Variants in ARHGAP26 observed in about 807,000 individuals in gnomAD.
ARHGAP26 encodes rho GTPase-activating protein 26.
Under a neutral mutation model 104.8 loss-of-function variants are expected in ARHGAP26, and 38 were observed. The observed-to-expected ratio is 0.36, with a 90% CI of 0.28 to 0.48. The LOEUF (loss-of-function observed/expected upper bound fraction) is 0.48. ARHGAP26 is among the 20% of genes least tolerant of loss of function. ARHGAP26 has a pLI of 0.99. For missense variants in ARHGAP26, 704 were observed against 947.9 expected, an observed-to-expected ratio of 0.74 and a Z score of 3.38; for synonymous variants, 341 against 340.0, an observed-to-expected ratio of 1.00 and a Z score of -0.03.
chr5:143,170,249 T>A (rs767075792), intron 20 of ARHGAP26: 2 of 152,322 alleles, frequency 1.3e-5, no homozygotes, highest in East Asian at 3.9e-4. Context: ...GTGAGAGCCA[T>A]GAACATGCAA....
chr5:142,890,151 A>AATAT (rs752591382), intron 5 of ARHGAP26, among the ~76,000 whole-genome samples: 891 of 32,166 alleles, frequency 0.028, 53 homozygotes, highest in Non-Finnish European at 0.038. Context: ...AAAAAAAAAA[A>AATAT]ATATATATAT....
chr5:143,217,222 G>A (rs370971535), intron 22 of ARHGAP26, among the ~76,000 whole-genome samples: 11 of 152,110 alleles, frequency 7.2e-5, no homozygotes, highest in Admixed American at 2.6e-4. Flanking sequence ...CTGTTGTTTC[G>A]TAATGATTAA....
rs538073963 is a variant in ARHGAP26, at chr5:143,125,950, A to G, written c.1698+4803A>G. Among the ~76,000 whole-genome samples the G allele has an allele frequency of 2.2e-4, 34 of 152,352 alleles. No individual in the cohort carries two copies. In the South Asian group the frequency reaches 6.4e-3, roughly 29 times the overall value. The stretch of plus-strand genomic sequence containing the variant: ...AACTTAGTACTACTCTCAGAACCCA[A>G]GCTATTAAAATCTACTCTAGTTAAT... On this transcript the variant is annotated intron_variant, in intron 18 of 22. Transcript: ENST00000645722.
intron 17 of ARHGAP26, among the ~76,000 whole-genome samples, chr5:143,088,696 T>A (rs1443072568): frequency 1.3e-5 from 2 of 152,216 alleles, no homozygotes; most frequent in African/African-American, 4.8e-5. Flanking sequence ...GCTGCGACCT[T>A]ACAGATGGAG....
intron 12 of ARHGAP26, among the ~76,000 whole-genome samples, chr5:143,034,334 G>T (rs1782314549): frequency 6.6e-6 from 1 of 152,168 alleles, no homozygotes; most frequent in African/African-American, 2.4e-5. Context: ...CAGCCAAAAA[G>T]TGGAAATGGC....
At chr5:143,038,257 TC>T (rs112770960) in intron 13 of ARHGAP26, among the ~76,000 whole-genome samples, 3 of 152,060 alleles carry the variant, frequency 2.0e-5, no homozygotes, top group Non-Finnish European at 4.4e-5. Flanking sequence ...CACTTTTTTT[TC>T]CATAAGGACT....
chr5:143,088,282 C>A (rs1055207902), intron 17 of ARHGAP26, among the ~76,000 whole-genome samples: 23 of 152,198 alleles, frequency 1.5e-4, no homozygotes, highest in Non-Finnish European at 5.9e-5. Flanking sequence ...GCAGTGACCA[C>A]CTGTGATCTT....
intron 17 of ARHGAP26, among the ~76,000 whole-genome samples, chr5:143,059,937 G>A (rs1412758164): frequency 1.3e-5 from 2 of 152,172 alleles, no homozygotes; most frequent in East Asian, 1.9e-4. Context: ...AAATGTCCCT[G>A]TGGAGAAGGA....
chr5:143,200,999 C>G (rs1349562411), intron 20 of ARHGAP26, among the ~76,000 whole-genome samples: 1 of 152,238 alleles, frequency 6.6e-6, no homozygotes, highest in Non-Finnish European at 1.5e-5. Context: ...TGTACTTGAA[C>G]TATCAGCCAC....
In ARHGAP26 at chr5:142,770,641, C is replaced by T. The variant is rs966588314; in HGVS notation, c.-121C>T. 4.2e-6 allele frequency: 3 copies of T among 720,452 alleles called. No homozygotes were observed. The highest frequency in any genetic ancestry group is 3.8e-5 in the African/African-American group (2 of 52,288). 44.6% of individuals were successfully genotyped at this position (720,452 alleles called of 1,614,324 possible). On this transcript the variant is annotated 5_prime_UTR_variant, in exon 1 of 23. Transcript: ENST00000645722. ...CCGCGCGCGGAGTGAGCCAGCGCCA[C>T]ACCTGTGGAGCCGGCGGCCGTCGGG...
rs540863588 is a variant in ARHGAP26 at position 143,138,001 on chromosome 5, A to T, written c.1837+3896A>T. On this transcript the variant is annotated intron_variant, in intron 19 of 22. Transcript: ENST00000645722. Reference sequence around the variant, plus strand: ...CTGCACTTCAGGCTCATGGTCTGGGATATTAGAATATGCTCATAGATGTGT... The same window carrying T: ...CTGCACTTCAGGCTCATGGTCTGGGTTATTAGAATATGCTCATAGATGTGT... 2.6e-5 allele frequency among the ~76,000 whole-genome samples: 4 copies of T among 152,324 alleles called. No individual in the cohort carries two copies. In the South Asian group the frequency reaches 8.3e-4, roughly 32 times the overall value.
intron 11 of ARHGAP26, among the ~76,000 whole-genome samples, chr5:142,936,509 A>T (rs559558345): frequency 3.3e-5 from 5 of 152,346 alleles, no homozygotes; most frequent in African/African-American, 1.2e-4. Flanking sequence ...TTTCTTATAG[A>T]TACAGACAAG....
chr5:142,783,068 G>T (rs7728894), intron 1 of ARHGAP26, among the ~76,000 whole-genome samples: 1 of 151,846 alleles, frequency 6.6e-6, no homozygotes, highest in Non-Finnish European at 1.5e-5. Context: ...CCACACATTA[G>T]GTCTAAATAG....
intron 10 of ARHGAP26, among the ~76,000 whole-genome samples, chr5:142,929,237 C>A (rs1764371913): frequency 6.6e-6 from 1 of 152,134 alleles, no homozygotes. Context: ...CCCGGCCTAT[C>A]CTCCTACTTT....
intron 20 of ARHGAP26, among the ~76,000 whole-genome samples, chr5:143,206,681 G>A (rs1360065844): frequency 6.6e-6 from 1 of 152,226 alleles, no homozygotes; most frequent in Non-Finnish European, 1.5e-5. Context: ...CAGTACTTCA[G>A]ATCTCCAGTG....
chr5:142,871,055 T>A lies in ARHGAP26; in HGVS notation c.155-2345T>A, dbSNP rs543907790. Among the ~76,000 whole-genome samples the A allele has an allele frequency of 6.6e-6, 1 of 152,316 alleles. No individual in the cohort carries two copies. Among genetic ancestry groups the A allele is most frequent in the African/African-American group, 2.4e-5 (1 of 41,580 alleles). ...ATCAGGATTCTCGCTCTACCCAGCT[T>A]TCCTCATTGGCTTGAAGCCCAATAC... On this transcript the variant is annotated intron_variant, in intron 1 of 22. Transcript: ENST00000645722. The surrounding 1 kb of genome is among the most constrained non-coding windows in gnomAD (Gnocchi z 4.1).
At chr5:142,874,889 A>AAT (rs1755861698) in intron 2 of ARHGAP26, 1 of 531,292 alleles carries the variant, frequency 1.9e-6, no homozygotes, top group Non-Finnish European at 3.4e-6. Flanking sequence ...TCCTTGAAGA[A>AAT]ATCATTCCCT....
chr5:143,158,214 T>C (rs1800744917), intron 20 of ARHGAP26, among the ~76,000 whole-genome samples: 1 of 152,204 alleles, frequency 6.6e-6, no homozygotes, highest in Non-Finnish European at 1.5e-5. Flanking sequence ...TTTATTTGTT[T>C]GATCCTGATG....
At chr5:143,049,328 GATT>G (rs1784661760) in intron 14 of ARHGAP26, among the ~76,000 whole-genome samples, 1 of 152,068 alleles carries the variant, frequency 6.6e-6, no homozygotes, top group Non-Finnish European at 1.5e-5. Flanking sequence ...GGTTGATTGT[GATT>G]ATTATTTTGC....
Sources: gnomAD v4.1 joint callset for allele counts (sites outside exome capture counted in the v4.1 genomes callset) on GRCh38, gnomAD v4.1.1 for gene constraint, Gnocchi (gnomAD v3.1) non-coding constraint, MANE v1.5 for transcripts, NCBI Gene and HGNC (gene_info 2026-07-23, HGNC 2026-07-21) for gene names.